The following GRID1 variants were observed in gnomAD, a reference collection of about 807,000 sequenced individuals.
GRID1 encodes the protein glutamate receptor ionotropic, delta-1.
In GRID1, 28 loss-of-function variants were observed where a neutral mutation model predicts 98.0. The ratio of observed to expected loss-of-function variants is 0.29; its 90% CI spans 0.21 to 0.39. The LOEUF is 0.39. Among genes scored for constraint, GRID1 ranks in the 10% least tolerant of loss-of-function variants. The pLI, the probability that GRID1 is intolerant of heterozygous loss-of-function variation, is 1.00. For synonymous variants in GRID1, 553 were observed against 538.5 expected (o/e 1.03, Z -0.37); for missense variants, 1,111 against 1,340.5 (o/e 0.83, Z 2.67).
At chr10:86,339,857 A>T (rs987135392) in intron 2 of GRID1, among the ~76,000 whole-genome samples, 1 of 152,194 alleles carries the variant, frequency 6.6e-6, no homozygotes, top group Non-Finnish European at 1.5e-5. Flanking sequence ...TGCCCTCCTA[A>T]CGCTTCCACT....
At chr10:86,060,717 G>A (rs1054287048) in intron 4 of GRID1, among the ~76,000 whole-genome samples, 1 of 152,148 alleles carries the variant, frequency 6.6e-6, no homozygotes, top group Admixed American at 6.5e-5. Context: ...ACCTCAGGCT[G>A]TGTCTCACTC....
intron 2 of GRID1, among the ~76,000 whole-genome samples, chr10:86,239,926 G>A (rs978618193): frequency 7.2e-5 from 11 of 152,172 alleles, no homozygotes; most frequent in Non-Finnish European, 1.5e-5. Flanking sequence ...TCAGGAAGGT[G>A]GGCCCTATTC....
chr10:85,788,147 AGCTGAT>A (rs1228389772), intron 8 of GRID1, among the ~76,000 whole-genome samples: 2 of 152,064 alleles, frequency 1.3e-5, no homozygotes, highest in Admixed American at 6.5e-5. Flanking sequence ...ACCAATTAAG[AGCTGAT>A]GAATGAGGGG....
intron 8 of GRID1, among the ~76,000 whole-genome samples, chr10:85,772,726 A>G (rs1842285352): frequency 6.6e-6 from 1 of 152,246 alleles, no homozygotes; most frequent in African/African-American, 2.4e-5. Flanking sequence ...AATCTAGAAG[A>G]AATGGATAAA....
intron 4 of GRID1, among the ~76,000 whole-genome samples, chr10:85,981,732 A>T (rs141131291): frequency 3.3e-5 from 5 of 152,282 alleles, no homozygotes; most frequent in African/African-American, 1.2e-4. Context: ...TGCTCCAGGC[A>T]CCTACTATGT....
chr10:85,928,108 T>C (rs1841800903), intron 4 of GRID1, among the ~76,000 whole-genome samples: 1 of 152,104 alleles, frequency 6.6e-6, no homozygotes, highest in Non-Finnish European at 1.5e-5. Context: ...ATGAGGAAGA[T>C]GATGATTCAT....
At chr10:85,856,866 G>T (rs968564741) in intron 6 of GRID1, among the ~76,000 whole-genome samples, 55 of 152,224 alleles carry the variant, frequency 3.6e-4, no homozygotes, top group African/African-American at 1.3e-3. Flanking sequence ...TGTGTCAATG[G>T]GTACAATACA....
chr10:86,138,834 G>A lies in GRID1; in HGVS notation c.711C>T (p.His237=). Reference sequence around the variant, plus strand: ...CATGACCTACCTCGTTGATGAAGGAGTGGGCTCCCTGTGGGCTGAGCAGCA... The same window carrying A: ...CATGACCTACCTCGTTGATGAAGGAATGGGCTCCCTGTGGGCTGAGCAGCA... ...AILLLSPQGA[H]SFINEAVETN... Residue 237 remains histidine (H), a synonymous_variant, in exon 4 of 16, where the codon CAC becomes CAT. Transcript: ENST00000327946. 2 of 1,614,078 alleles carry A rather than the reference G, an allele frequency of 1.2e-6. No homozygotes were observed. The highest frequency in any genetic ancestry group is 2.2e-5 in the East Asian group (1 of 44,888).
intron 4 of GRID1, among the ~76,000 whole-genome samples, chr10:86,125,518 T>G (rs1844739548): frequency 6.6e-6 from 1 of 152,222 alleles, no homozygotes; most frequent in Non-Finnish European, 1.5e-5. Context: ...AGTTCACATT[T>G]AGAGTAGAAT....
At chr10:86,314,947 C>T (rs941149688) in intron 2 of GRID1, among the ~76,000 whole-genome samples, 1 of 152,106 alleles carries the variant, frequency 6.6e-6, no homozygotes, top group Non-Finnish European at 1.5e-5. Flanking sequence ...TGAAGCCCTC[C>T]CCTGCTTGGG....
chr10:85,666,988 A>G (rs1841026355), intron 12 of GRID1, among the ~76,000 whole-genome samples: 1 of 152,204 alleles, frequency 6.6e-6, no homozygotes, highest in Admixed American at 6.5e-5. Context: ...CTCCAACATC[A>G]GTGCTACTGC....
intron 8 of GRID1, among the ~76,000 whole-genome samples, chr10:85,783,890 C>G (rs1435434997): frequency 6.6e-6 from 1 of 152,170 alleles, no homozygotes; most frequent in Non-Finnish European, 1.5e-5. Context: ...TTTGAGATAG[C>G]CTGGCCACTC....
intron 4 of GRID1, among the ~76,000 whole-genome samples, chr10:85,933,786 A>G (rs1430662685): frequency 2.0e-5 from 3 of 152,198 alleles, no homozygotes; most frequent in Non-Finnish European, 4.4e-5. Context: ...CAATCCAAAG[A>G]AAGAAGAGGT....
At chr10:86,028,269 AG>A (rs1462430314) in intron 4 of GRID1, among the ~76,000 whole-genome samples, 1 of 152,212 alleles carries the variant, frequency 6.6e-6, no homozygotes, top group African/African-American at 2.4e-5. Flanking sequence ...AAGTAATCAA[AG>A]CTTCCATCTT....
At chr10:85,750,486 T>C (rs1842036155) in intron 8 of GRID1, among the ~76,000 whole-genome samples, 1 of 152,212 alleles carries the variant, frequency 6.6e-6, no homozygotes, top group African/African-American at 2.4e-5. Flanking sequence ...ACAAAGAGAA[T>C]AAGTAATTAG....
intron 4 of GRID1, among the ~76,000 whole-genome samples, chr10:86,023,310 C>A (rs1297665303): frequency 6.6e-6 from 1 of 152,206 alleles, no homozygotes; most frequent in Non-Finnish European, 1.5e-5. Context: ...ACACCAGCAA[C>A]CAATATGGCC....
At chr10:85,657,817 G>A (rs970579562) in intron 12 of GRID1, among the ~76,000 whole-genome samples, 13 of 152,128 alleles carry the variant, frequency 8.5e-5, no homozygotes, top group African/African-American at 3.1e-4. Flanking sequence ...GGGTGCAGTG[G>A]AAATCAGCAT....
intron 11 of GRID1, 122 bp from the exon 12 acceptor site, chr10:85,723,263 A>T: frequency 1.1e-6 from 1 of 952,066 alleles, no homozygotes; most frequent in Non-Finnish European, 1.5e-6. Flanking sequence ...GGAACCAGGG[A>T]GGTGACTGTC....
intron 4 of GRID1, among the ~76,000 whole-genome samples, chr10:86,121,963 C>T (rs1259897400): frequency 6.6e-6 from 1 of 152,200 alleles, no homozygotes. Flanking sequence ...TAGAAACGTT[C>T]CACTGGATAC....
Sources: allele counts gnomAD v4.1 joint callset (sites outside exome capture counted in the v4.1 genomes callset), GRCh38; gene constraint gnomAD v4.1.1; transcripts MANE v1.5; gene names NCBI Gene and HGNC (gene_info 2026-07-23, HGNC 2026-07-21).